SPIN3: variants seen among roughly 807,000 people sequenced by gnomAD.
SPIN3 encodes the protein spindlin family member 3, also known as spindlin-3.
For synonymous variants in SPIN3, 74 were observed against 74.3 expected (o/e 1.00, Z 0.02); for missense variants, 176 against 196.4 (o/e 0.90, Z 0.62).
Position 56,994,454 on chromosome X carries a change from G to T in SPIN3, c.494C>A (p.Thr165Asn), listed in dbSNP as rs1924434781. The T allele has an allele frequency of 8.3e-7, 1 of 1,209,819 alleles. No individual in the cohort carries two copies. The highest frequency in any genetic ancestry group is 1.1e-6 in the Non-Finnish European group (1 of 895,214). The change falls in exon 2 of 2, where the codon ACC becomes AAC. Residue 165 changes from threonine to asparagine, a missense_variant. By Grantham distance (65) the Thr-to-Asn change is moderately conservative. Coordinates refer to ENST00000374919, the MANE Select transcript of SPIN3 (RefSeq NM_001010862.3). ...APVMNTWFYI[T>N]YEKDPVLYMY... ...ATATAATACAGGATCTTTCTCATAGGTAATGTAAAACCATGTGTTCATGAC... is the reference window on the plus strand; with the variant it reads ...ATATAATACAGGATCTTTCTCATAGTTAATGTAAAACCATGTGTTCATGAC...
rs761452561 is a variant in SPIN3, at chrX:56,993,529, T to G, written c.*642A>C. ...CACTTGGAGTTTGGTCCCCAAATGCTTGTCTTCTTATCAGTTTTGCAAGGT... is the reference window on the plus strand; with the variant it reads ...CACTTGGAGTTTGGTCCCCAAATGCGTGTCTTCTTATCAGTTTTGCAAGGT... On this transcript the variant is annotated 3_prime_UTR_variant, in exon 2 of 2. Transcript: ENST00000374919. The G allele has an allele frequency of 8.9e-6, 1 of 112,509 alleles. No individual in the cohort carries two copies. Among genetic ancestry groups the G allele is most frequent in the East Asian group, 2.8e-4 (1 of 3,561 alleles). The allele number at this position is 112,509 out of a possible 1,213,427, so 9.3% of individuals were successfully genotyped here.
chrX:56,985,723 C>T (rs149118192), intron 2 of SPIN3, among the ~76,000 whole-genome samples: 29 of 112,027 alleles, frequency 2.6e-4, no homozygotes, highest in African/African-American at 8.4e-4. Flanking sequence ...CTTTACAATG[C>T]CTTATATTAT....
At chrX:56,986,758 T>C (rs758107950), downstream of SPIN3, among the ~76,000 whole-genome samples, 5 of 112,476 alleles carry the variant, frequency 4.4e-5, no homozygotes, top group South Asian at 1.8e-3. Context: ...AGATTTGGGG[T>C]AGAGGAAGAA....
intron 3 of SPIN3, chrX:56,979,099 T>C (rs1206352958): frequency 1.8e-5 from 2 of 111,969 alleles, no homozygotes; most frequent in Non-Finnish European, 3.8e-5. Flanking sequence ...AAACTCAACA[T>C]ATATTTCCAA....
downstream of SPIN3, among the ~76,000 whole-genome samples, chrX:56,988,013 G>C (rs1323194143): frequency 8.9e-6 from 1 of 111,876 alleles, no homozygotes; most frequent in Non-Finnish European, 1.9e-5. Flanking sequence ...ACTGAGTAAA[G>C]AGTGTTACTC....
exon 3 of SPIN3, chrX:56,984,319 G>C (rs1373286639): frequency 7.3e-6 from 2 of 274,379 alleles, no homozygotes; most frequent in Non-Finnish European, 1.4e-5. Context: ...TTGGTGTGGG[G>C]TGAAGGAAAC....
intron 3 of SPIN3, among the ~76,000 whole-genome samples, chrX:56,983,350 A>T (rs749321484): frequency 9.0e-6 from 1 of 111,622 alleles, no homozygotes; most frequent in South Asian, 3.8e-4. Context: ...AGAGTGAGAG[A>T]CAAGGAATAA....
At chrX:56,989,976 C>A (rs1924296228), downstream of SPIN3, among the ~76,000 whole-genome samples, 1 of 110,396 alleles carries the variant, frequency 9.1e-6, no homozygotes, top group Non-Finnish European at 1.9e-5. Flanking sequence ...CTCACCCACC[C>A]TGTCCGTGGA....
chrX:56,981,527 G>T (rs980688025), intron 3 of SPIN3: 2 of 110,921 alleles, frequency 1.8e-5, no homozygotes, highest in African/African-American at 6.6e-5. Flanking sequence ...CCAGCTAAAG[G>T]TCCAGGTTTA....
At chrX:56,989,606 A>C (rs911194930), downstream of SPIN3, among the ~76,000 whole-genome samples, 4 of 111,418 alleles carry the variant, frequency 3.6e-5, no homozygotes, top group Admixed American at 9.5e-5. Context: ...AAGCAAGCGA[A>C]GCTTCATCTG....
downstream of SPIN3, among the ~76,000 whole-genome samples, chrX:56,987,928 T>C (rs1383399246): frequency 8.9e-6 from 1 of 112,085 alleles, no homozygotes; most frequent in Non-Finnish European, 1.9e-5. Context: ...CTAAAGGGAA[T>C]TCACCTTTAT....
At position 56,994,106 on chromosome X, in the gene SPIN3, C is replaced by A; in HGVS notation, c.*65G>T. Reference sequence around the variant, plus strand: ...AAGATGGTTCTTACAAACTGGAAAGCAATCAAGACTTTCTGTGTCTACAGA... The same window carrying A: ...AAGATGGTTCTTACAAACTGGAAAGAAATCAAGACTTTCTGTGTCTACAGA... On this transcript the variant is annotated 3_prime_UTR_variant, in exon 2 of 2. Transcript: ENST00000374919. The A allele has an allele frequency of 9.5e-7, 1 of 1,047,915 alleles. No individual in the cohort carries two copies. 86.4% of individuals were successfully genotyped at this position (1,047,915 alleles called of 1,213,427 possible). A position where few individuals can be genotyped will look rare whatever the true frequency, so the allele number is the denominator to read the frequency against.
At chrX:56,984,647 G>GT (rs950206776) in intron 2 of SPIN3, among the ~76,000 whole-genome samples, 6 of 111,035 alleles carry the variant, frequency 5.4e-5, no homozygotes, top group Admixed American at 3.8e-4. Context: ...TCAGTCTCTT[G>GT]TTTGTGTCTC....
intron 1 of SPIN3, 109 bp downstream of exon 1, chrX:56,995,107 G>T: frequency 1.8e-6 from 1 of 563,909 alleles, no homozygotes; most frequent in Non-Finnish European, 2.7e-6. Context: ...AAGGCACCCT[G>T]GCTGAGTGCC....
chrX:56,980,942 T>TA (rs1212944198), intron 3 of SPIN3, among the ~76,000 whole-genome samples: 1 of 108,760 alleles, frequency 9.2e-6, no homozygotes, highest in Non-Finnish European at 1.9e-5. Flanking sequence ...AGAAAAAAAA[T>TA]AAAAAGAAAC....
chrX:56,995,214 A>T lies in SPIN3; in HGVS notation c.-3+2T>A, dbSNP rs759540242. On this transcript the variant is annotated splice_donor_variant, in intron 1 of 1. Transcript: ENST00000374919. LOFTEE classifies it low-confidence loss of function (5UTR_SPLICE). Reference sequence around the variant, plus strand: ...TTCCCCTCGCCCTGCTTCCAACACTACCCGGCCAGGAGGCGCAGATTCCCC... The same window carrying T: ...TTCCCCTCGCCCTGCTTCCAACACTTCCCGGCCAGGAGGCGCAGATTCCCC... 2.7e-5 allele frequency: 8 copies of T among 300,079 alleles called. No individual in the cohort carries two copies. The East Asian group carries it at 3.1e-4, about 12-fold the overall frequency. 24.7% of individuals were successfully genotyped at this position (300,079 alleles called of 1,213,427 possible). A position where few individuals can be genotyped will look rare whatever the true frequency, so the allele number is the denominator to read the frequency against.
rs1170401196 is a variant in SPIN3, at chrX:56,983,614, G to T, written c.*204+652C>A. 2.7e-5 allele frequency among the ~76,000 whole-genome samples: 3 copies of T among 112,591 alleles called. No individual in the cohort carries two copies. The East Asian group carries it at 8.4e-4, about 31-fold the overall frequency. On this transcript the variant is annotated intron_variant and NMD_transcript_variant, in intron 3 of 5. Transcript: ENST00000475785. ...TGTGTACTTCAGTGTTTAAGCAAGG[G>T]AGGCCCTAAGGCCAACGAATATCTA...
At position 56,979,843 on chromosome X, in the gene SPIN3, T is replaced by C. The variant is rs1045609123; in HGVS notation, c.*205-1183A>G. The C allele has an allele frequency of 4.5e-5, 5 of 112,355 alleles. No individual in the cohort carries two copies. The East Asian group carries it at 1.4e-3, about 31-fold the overall frequency. The allele number at this position is 112,355 out of a possible 1,213,427, so 9.3% of individuals were successfully genotyped here. The stretch of plus-strand genomic sequence containing the variant: ...ATGAAGATATAATTAAATGTAATCA[T>C]TTTTGCTGATTCTCTGGACTTGGTC... On this transcript the variant is annotated intron_variant and NMD_transcript_variant, in intron 3 of 5. Coordinates refer to the SPIN3 transcript ENST00000475785.
At chrX:56,986,483 T>C (rs1924224934), downstream of SPIN3, among the ~76,000 whole-genome samples, 1 of 111,943 alleles carries the variant, frequency 8.9e-6, no homozygotes, top group Non-Finnish European at 1.9e-5. Context: ...GTTTCCTTTT[T>C]CTCTTTAAGC....
Sources: gnomAD v4.1 joint callset for allele counts (sites outside exome capture counted in the v4.1 genomes callset) on GRCh38, gnomAD v4.1.1 for gene constraint, MANE v1.5 for transcripts, NCBI Gene and HGNC (gene_info 2026-07-23, HGNC 2026-07-21) for gene names.